ANP32B: variants seen among roughly 807,000 people sequenced by gnomAD.
ANP32B encodes acidic leucine-rich nuclear phosphoprotein 32 family member B.
ANP32B carries 6 observed loss-of-function variants against 32.2 expected under a neutral mutation model. The ratio of observed to expected loss-of-function variants is 0.19; its 90% CI spans 0.10 to 0.37. The LOEUF (loss-of-function observed/expected upper bound fraction) is 0.37. ANP32B is among the 10% of genes least tolerant of loss of function. ANP32B has a pLI of 1.00. For missense variants in ANP32B, 204 were observed against 289.2 expected, an observed-to-expected ratio of 0.71 and a Z score of 2.14; for synonymous variants, 98 against 105.8, an observed-to-expected ratio of 0.93 and a Z score of 0.45.
At chr9:97,998,728 T>G (rs768604325) in intron 3 of ANP32B, 50 bp downstream of exon 3, 2 of 1,476,108 alleles carry the variant, frequency 1.4e-6, no homozygotes, top group Non-Finnish European at 1.8e-6. Context: ...ATTTTCATTT[T>G]CATATTTCTT....
chr9:97,991,056 A>G (rs569400472), intron 1 of ANP32B, among the ~76,000 whole-genome samples: 1 of 151,400 alleles, frequency 6.6e-6, no homozygotes, highest in African/African-American at 2.4e-5. Flanking sequence ...TCCTGACCTC[A>G]GGTGATCTGC....
chr9:98,002,253 G>A (rs1444179991), intron 3 of ANP32B: 1 of 152,194 alleles, frequency 6.6e-6, no homozygotes, highest in Non-Finnish European at 1.5e-5. Context: ...TGCAATGATT[G>A]TGAATGCCTC....
chr9:97,983,646 T>G (rs1827636782), intron 1 of ANP32B, 37 bp downstream of exon 1: 4 of 1,505,396 alleles, frequency 2.7e-6, no homozygotes, highest in Non-Finnish European at 3.6e-6. Flanking sequence ...TCTCCCCCGA[T>G]GACTTGCATG....
At chr9:97,991,301 G>A (rs974993626) in intron 1 of ANP32B, among the ~76,000 whole-genome samples, 2 of 151,974 alleles carry the variant, frequency 1.3e-5, no homozygotes, top group Non-Finnish European at 1.5e-5. Context: ...TTTTTGTAGA[G>A]ACAGGGTCTC....
intron 1 of ANP32B, among the ~76,000 whole-genome samples, chr9:97,991,600 T>C (rs1362240301): frequency 6.6e-6 from 1 of 152,200 alleles, no homozygotes; most frequent in Non-Finnish European, 1.5e-5. Flanking sequence ...AAAGTAACAG[T>C]CAAATAAATC....
chr9:98,012,274 C>A (rs1227629102), intron 5 of ANP32B, 147 bp from the exon 6 acceptor site: 24 of 1,069,600 alleles, frequency 2.2e-5, no homozygotes, highest in Non-Finnish European at 2.7e-5. Flanking sequence ...CTTGGTACAT[C>A]AAAGTAGATA....
At chr9:98,004,815 G>T (rs1347551950) in intron 3 of ANP32B, 149 bp from the exon 4 acceptor site, 1 of 544,578 alleles carries the variant, frequency 1.8e-6, no homozygotes, top group East Asian at 3.2e-5. Flanking sequence ...TATAAAGGTT[G>T]CAAAAGACTT....
In ANP32B at chr9:97,983,846, A is replaced by G. The variant is rs1353576885; in HGVS notation, c.54+237A>G. Among the ~76,000 whole-genome samples, 35 of 151,468 alleles carry G rather than the reference A, an allele frequency of 2.3e-4. 1 individual carries two copies. Among genetic ancestry groups the G allele is most frequent in the Admixed American group, 2.3e-3 (35 of 15,244 alleles). ...GGAGGCAGCGGTGTGGGGGAAAGCA[A>G]ACTTTGAGCGCTTCGCCCGCCGGGG... On this transcript the variant is annotated intron_variant, in intron 1 of 6. Coordinates refer to ENST00000339399, the MANE Select transcript of ANP32B (RefSeq NM_006401.3).
chr9:97,983,655 T>C (rs749547745), intron 1 of ANP32B, 46 bp downstream of exon 1: 4 of 1,458,356 alleles, frequency 2.7e-6, no homozygotes, highest in Admixed American at 2.2e-5. Context: ...ATGACTTGCA[T>C]GTAATGGTGG....
chr9:97,999,865 C>T (rs1227264210), intron 3 of ANP32B, among the ~76,000 whole-genome samples: 3 of 152,086 alleles, frequency 2.0e-5, no homozygotes, highest in African/African-American at 7.2e-5. Context: ...GGTTATTTAG[C>T]ATATAGGAGG....
Position 97,983,400 on chromosome 9 carries a change from C to A in ANP32B, c.-156C>A. 1 of 604,144 alleles carries A rather than the reference C, an allele frequency of 1.7e-6. No homozygotes were observed. Among genetic ancestry groups the A allele is most frequent in the South Asian group, 2.1e-5 (1 of 46,588 alleles). The allele number at this position is 604,144 out of a possible 1,614,324, so 37.4% of individuals were successfully genotyped here. ...GTAACTTGGCTCCGGGGGCTCCGCT[C>A]GCCTGCCCGCACGCCGCCCGCCACC... On this transcript the variant is annotated 5_prime_UTR_variant, in exon 1 of 7. Transcript: ENST00000339399.
At chr9:98,012,209 TAAAA>T (rs143227571) in intron 5 of ANP32B, among the ~76,000 whole-genome samples, 2 of 152,092 alleles carry the variant, frequency 1.3e-5, no homozygotes, top group African/African-American at 4.8e-5. Flanking sequence ...TGCTTGCTTC[TAAAA>T]AAAATTTTTC....
intron 1 of ANP32B, among the ~76,000 whole-genome samples, chr9:97,985,025 C>G (rs570630272): frequency 6.6e-6 from 1 of 150,720 alleles, no homozygotes; most frequent in East Asian, 2.0e-4. Context: ...GGAATTGCCC[C>G]ATTCGTCTCC....
intron 4 of ANP32B, among the ~76,000 whole-genome samples, chr9:98,005,547 C>G (rs1220097124): frequency 6.6e-6 from 1 of 152,002 alleles, no homozygotes; most frequent in Non-Finnish European, 1.5e-5. Context: ...GATGTTCTTA[C>G]TATTGAGGAA....
intron 3 of ANP32B, among the ~76,000 whole-genome samples, chr9:98,002,658 G>A (rs1474638685): frequency 6.6e-6 from 1 of 152,070 alleles, no homozygotes; most frequent in Non-Finnish European, 1.5e-5. Context: ...CTACTGATTG[G>A]CATGTCCAAA....
At chr9:97,993,854 A>G (rs993351024) in intron 1 of ANP32B, among the ~76,000 whole-genome samples, 4 of 152,172 alleles carry the variant, frequency 2.6e-5, no homozygotes, top group Admixed American at 2.0e-4. Flanking sequence ...ACTGGTCTTG[A>G]ACCCCAGACC....
chr9:98,012,271 C>A, intron 5 of ANP32B, 150 bp from the exon 6 acceptor site: 2 of 1,048,308 alleles, frequency 1.9e-6, no homozygotes, highest in Non-Finnish European at 2.6e-6. Flanking sequence ...GGTCTTGGTA[C>A]ATCAAAGTAG....
At chr9:98,011,827 G>T (rs1412303349) in intron 5 of ANP32B, among the ~76,000 whole-genome samples, 1 of 152,190 alleles carries the variant, frequency 6.6e-6, no homozygotes, top group Admixed American at 6.5e-5. Context: ...AATGAAATGA[G>T]ATTGTGGTCC....
chr9:97,994,826 G>A (rs1242330622), intron 2 of ANP32B, 46 bp downstream of exon 2: 1 of 1,537,482 alleles, frequency 6.5e-7, no homozygotes, highest in East Asian at 2.3e-5. Flanking sequence ...TCCTGGGAAG[G>A]GAAAATGTAT....
Sources: allele counts gnomAD v4.1 joint callset (sites outside exome capture counted in the v4.1 genomes callset), GRCh38; gene constraint gnomAD v4.1.1; transcripts MANE v1.5; gene names NCBI Gene and HGNC (gene_info 2026-07-23, HGNC 2026-07-21).